The following GALNT13 variants were observed in gnomAD, a reference collection of about 807,000 sequenced individuals.
GALNT13 encodes UDP-GalNAc:polypeptide N-acetylgalactosaminyltransferase 13.
A neutral mutation model predicts 64.2 loss-of-function variants in GALNT13; 28 were observed. The observed-to-expected ratio is 0.44, with a 90% CI of 0.32 to 0.60. The LOEUF (loss-of-function observed/expected upper bound fraction) is 0.60, where lower values mean the gene tolerates loss of function less well. GALNT13 is among the 20% of genes least tolerant of loss of function. The probability of loss-of-function intolerance (pLI) is 0.05; values close to 1 mark genes in which losing one functional copy is unlikely to be tolerated. For missense variants in GALNT13, 577 were observed against 669.8 expected (o/e 0.86, Z 1.53); for synonymous variants, 214 against 224.6 (o/e 0.95, Z 0.42).
intron 9 of GALNT13, among the ~76,000 whole-genome samples, chr2:154,338,238 T>A (rs1695562180): frequency 1.3e-5 from 2 of 152,164 alleles, no homozygotes. Flanking sequence ...CCTGCAATAT[T>A]GGTTTAAGTA....
chr2:153,975,315 T>C (rs886330582), intron 3 of GALNT13, among the ~76,000 whole-genome samples: 1 of 152,054 alleles, frequency 6.6e-6, no homozygotes, highest in African/African-American at 2.4e-5. Flanking sequence ...CTGCTCCTTT[T>C]TTACTGGTGC....
the GALNT13 span, among the ~76,000 whole-genome samples, chr2:153,630,853 G>A: frequency 9.5e-6 from 1 of 105,682 alleles, no homozygotes; most frequent in African/African-American, 3.8e-5. Flanking sequence ...GGGTACATGT[G>A]CACAACGTGC....
At chr2:153,352,763 A>G in the GALNT13 span, among the ~76,000 whole-genome samples, 4 of 152,066 alleles carry the variant, frequency 2.6e-5, no homozygotes, top group Non-Finnish European at 5.9e-5. Context: ...TGTTGACTAT[A>G]TTTACAACAG....
the GALNT13 span, among the ~76,000 whole-genome samples, chr2:153,464,015 G>C: frequency 2.0e-5 from 3 of 152,022 alleles, no homozygotes; most frequent in African/African-American, 7.2e-5. Context: ...AGACAAACAA[G>C]TGGACTTCAG....
the GALNT13 span, among the ~76,000 whole-genome samples, chr2:153,226,993 T>C: frequency 6.6e-6 from 1 of 151,982 alleles, no homozygotes; most frequent in Non-Finnish European, 1.5e-5. Flanking sequence ...TGAACAGAGG[T>C]CTTTATTTTT....
chr2:154,373,042 G>A (rs1257565081), intron 9 of GALNT13, among the ~76,000 whole-genome samples: 1 of 151,844 alleles, frequency 6.6e-6, no homozygotes, highest in African/African-American at 2.4e-5. Context: ...ATTATATTTT[G>A]GTTTTAAAAA....
chr2:153,323,497 G>C, the GALNT13 span, among the ~76,000 whole-genome samples: 3 of 152,120 alleles, frequency 2.0e-5, no homozygotes, highest in Non-Finnish European at 1.5e-5. Context: ...AGTTTAATTA[G>C]ATCCCATTTG....
chr2:153,331,647 A>G, the GALNT13 span, among the ~76,000 whole-genome samples: 6 of 151,818 alleles, frequency 4.0e-5, no homozygotes, highest in South Asian at 2.1e-4. Context: ...TGCCTGCTTT[A>G]TATTTGCTGG....
intron 9 of GALNT13, among the ~76,000 whole-genome samples, chr2:154,305,379 A>G (rs947630910): frequency 6.6e-6 from 1 of 152,056 alleles, no homozygotes; most frequent in Non-Finnish European, 1.5e-5. Context: ...TATAATACAC[A>G]TGCACACACA....
intron 11 of GALNT13, among the ~76,000 whole-genome samples, chr2:154,424,531 G>A (rs1193113248): frequency 2.0e-5 from 3 of 151,988 alleles, no homozygotes; most frequent in African/African-American, 7.2e-5. Context: ...GACCCTCTGG[G>A]GGTCTTTTAA....
the GALNT13 span, among the ~76,000 whole-genome samples, chr2:153,781,379 A>G: frequency 6.6e-6 from 1 of 152,170 alleles, no homozygotes; most frequent in Non-Finnish European, 1.5e-5. Context: ...TTGTCCTGTT[A>G]TAAGAAAATG....
At chr2:154,223,277 A>C (rs1055636994) in intron 4 of GALNT13, among the ~76,000 whole-genome samples, 1 of 152,072 alleles carries the variant, frequency 6.6e-6, no homozygotes, top group African/African-American at 2.4e-5. Context: ...AACACACACC[A>C]TGTTTCATAC....
chr2:153,859,984 A>G, the GALNT13 span, among the ~76,000 whole-genome samples: 1 of 152,218 alleles, frequency 6.6e-6, no homozygotes, highest in African/African-American at 2.4e-5. Flanking sequence ...ACTAATAACA[A>G]AAATGTCAAT....
At chr2:153,884,913 C>G (rs187993501) in intron 1 of GALNT13, among the ~76,000 whole-genome samples, 59 of 143,170 alleles carry the variant, frequency 4.1e-4, no homozygotes, top group African/African-American at 1.4e-3. Context: ...GTGGCACGCA[C>G]TTCTAGTCCC....
At chr2:153,170,230 A>G in the GALNT13 span, among the ~76,000 whole-genome samples, 1 of 152,160 alleles carries the variant, frequency 6.6e-6, no homozygotes, top group Non-Finnish European at 1.5e-5. Context: ...AAATATTTTC[A>G]TCTCATATTT....
chr2:154,319,301 G>C (rs558138569), intron 9 of GALNT13, among the ~76,000 whole-genome samples: 3 of 152,132 alleles, frequency 2.0e-5, no homozygotes, highest in Non-Finnish European at 4.4e-5. Flanking sequence ...TCAAACAAAT[G>C]AGTATACAAA....
chr2:153,412,288 A>G, the GALNT13 span, among the ~76,000 whole-genome samples: 9 of 152,326 alleles, frequency 5.9e-5, no homozygotes, highest in Admixed American at 5.2e-4. Flanking sequence ...TTGGGGTTCA[A>G]ATCTCACCTC....
At chr2:153,364,862 C>G in the GALNT13 span, among the ~76,000 whole-genome samples, 1 of 152,056 alleles carries the variant, frequency 6.6e-6, no homozygotes, top group Non-Finnish European at 1.5e-5. Context: ...CATTGACATT[C>G]TTGAAATGTC....
the GALNT13 span, among the ~76,000 whole-genome samples, chr2:153,184,777 A>G: frequency 6.6e-6 from 1 of 152,150 alleles, no homozygotes. Flanking sequence ...ATTGATTTGC[A>G]TATGTTGAGC....
Sources: allele counts gnomAD v4.1 joint callset (sites outside exome capture counted in the v4.1 genomes callset), GRCh38; gene constraint gnomAD v4.1.1; transcripts MANE v1.5; gene names NCBI Gene and HGNC (gene_info 2026-07-23, HGNC 2026-07-21).